The following RBM3 variants were observed in gnomAD, a reference collection of about 807,000 sequenced individuals.
RBM3 encodes the protein RNA binding motif protein 3.
In RBM3, 3 loss-of-function variants were observed where a neutral mutation model predicts 12.0. That is an observed-to-expected ratio of 0.25 (90% CI 0.11 to 0.65). The LOEUF is 0.65. Ranked by LOEUF, RBM3 falls within the 30% of genes least tolerant of loss-of-function variation. RBM3 has a pLI of 0.84. For synonymous variants in RBM3, 58 were observed against 45.7 expected (o/e 1.27, Z -1.08); for missense variants, 108 against 134.5 (o/e 0.80, Z 0.97).
chrX:48,574,517 T>A lies in RBM3; in HGVS notation c.-70T>A, dbSNP rs1556988728. 2 of 332,110 alleles carry A rather than the reference T, an allele frequency of 6.0e-6. No individual in the cohort carries two copies. Among genetic ancestry groups the A allele is most frequent in the East Asian group, 9.3e-5 (1 of 10,720 alleles). The allele number at this position is 332,110 out of a possible 1,213,427, so 27.4% of individuals were successfully genotyped here. A position where few individuals can be genotyped will look rare whatever the true frequency, so the allele number is the denominator to read the frequency against. On this transcript the variant is annotated 5_prime_UTR_variant, in exon 1 of 7. Coordinates refer to ENST00000376759, the MANE Select transcript of RBM3 (RefSeq NM_006743.5). ...TCTTCCGGCGCAGCCCCGTCCCTGT[T>A]TTTTGTGCTCCTCCGAGCTCGCTGT...
chrX:48,576,977 T>C (rs782460210), intron 5 of RBM3, 49 bp from the exon 6 acceptor site: 30 of 1,170,886 alleles, frequency 2.6e-5, no homozygotes, highest in Non-Finnish European at 3.5e-5. Context: ...TACAGTGGTA[T>C]ATATAATGCA....
At position 48,577,917 on chromosome X, in the gene RBM3, C is replaced by CTA. The variant is rs1445564686; in HGVS notation, c.*477_*478dup. The CTA allele has an allele frequency of 8.6e-6, 1 of 115,831 alleles. No homozygotes were observed. Among genetic ancestry groups the CTA allele is most frequent in the African/African-American group, 3.3e-5 (1 of 30,723 alleles). The allele number at this position is 115,831 out of a possible 1,213,427, so 9.5% of individuals were successfully genotyped here. ...CCAACATGGTGAAACCCCATCTGTA[C>CTA]TAAACATAAAAAAATTAGCCTGGCA... On this transcript the variant is annotated 3_prime_UTR_variant, in exon 7 of 7. Coordinates refer to ENST00000376759, the MANE Select transcript of RBM3 (RefSeq NM_006743.5).
intron 2 of RBM3, 21 bp downstream of exon 2, chrX:48,575,304 A>T: frequency 8.6e-7 from 1 of 1,159,116 alleles, no homozygotes; most frequent in Non-Finnish European, 1.2e-6. Flanking sequence ...CCATACTCAC[A>T]ATGGGGGTTG....
rs1375273826 is a variant in RBM3, at chrX:48,581,083, G to A, written c.*3642G>A. 1 of 94,238 alleles carries A rather than the reference G, an allele frequency of 1.1e-5. No homozygotes were observed. Among genetic ancestry groups the A allele is most frequent in the Non-Finnish European group, 2.1e-5 (1 of 47,983 alleles). The allele number at this position is 94,238 out of a possible 1,213,427, so 7.8% of individuals were successfully genotyped here. A position where few individuals can be genotyped will look rare whatever the true frequency, so the allele number is the denominator to read the frequency against. The stretch of plus-strand genomic sequence containing the variant: ...CCTGGATCTGGGGGCGGGGGGGGGC[G>A]GGGGGAATGGGTCTTTTCTAAATTG... On this transcript the variant is annotated 3_prime_UTR_variant, in exon 7 of 7. Transcript: ENST00000376759.
At position 48,575,152 on chromosome X, in the gene RBM3, C is replaced by T. The variant is rs782481480; in HGVS notation, c.-13-16C>T. 8.9e-7 allele frequency: 1 copy of T among 1,117,544 alleles called. No individual in the cohort carries two copies. 92.1% of individuals were successfully genotyped at this position (1,117,544 alleles called of 1,213,427 possible). On this transcript the variant is annotated splice_polypyrimidine_tract_variant and intron_variant, in intron 1 of 6. Transcript: ENST00000376759. ...CTTTCTCCTTCCTGCCACCATTCTT[C>T]ATGTTCTTCCCACAGGACTTGAACT...
At position 48,576,231 on chromosome X, in the gene RBM3, T is replaced by G. The variant is rs782349217; in HGVS notation, c.211-83T>G. ...CCCAGCAGGAATTTTTGGCCTCTTT[T>G]GCCCACTTACCCTTGCCTGCTCTTC... On this transcript the variant is annotated intron_variant, in intron 3 of 6. Transcript: ENST00000376759. The G allele has an allele frequency of 6.9e-6, 8 of 1,167,787 alleles. No homozygotes were observed. In the Admixed American group the frequency reaches 1.8e-4, roughly 26 times the overall value.
At chrX:48,576,268 C>T (rs1340566569) in intron 3 of RBM3, 46 bp from the exon 4 acceptor site, 2 of 1,181,523 alleles carry the variant, frequency 1.7e-6, no homozygotes. Context: ...CTCACCATTG[C>T]CCTGACTGAC....
intron 6 of RBM3, 96 bp from the exon 7 acceptor site, chrX:48,577,369 G>T: frequency 3.5e-6 from 3 of 847,126 alleles, no homozygotes; most frequent in Non-Finnish European, 3.3e-6. Context: ...TGTCCCTGTT[G>T]TCCAACCCTC....
chrX:48,575,124 T>A (rs2062074450), intron 1 of RBM3, 44 bp from the exon 2 acceptor site: 1 of 979,671 alleles, frequency 1.0e-6, no homozygotes. Context: ...ACATCTCCAT[T>A]TTCTTTCTCC....
At chrX:48,574,981 G>T (rs782171055) in intron 1 of RBM3, 187 bp from the exon 2 acceptor site, 4 of 452,291 alleles carry the variant, frequency 8.8e-6, no homozygotes, top group East Asian at 3.8e-5. Flanking sequence ...AATGGTGGCT[G>T]CGCTGAGCCA....
In RBM3 at chrX:48,579,118, A is replaced by G. The variant is rs568452727; in HGVS notation, c.*1677A>G. ...GGTAAAGTGGTAATTTTGTAATTCT[A>G]GCTGGTCTTAGTTCCTCAGTTCTGC... On this transcript the variant is annotated 3_prime_UTR_variant, in exon 7 of 7. Transcript: ENST00000376759. 2.7e-5 allele frequency: 3 copies of G among 111,045 alleles called. No homozygotes were observed. The highest frequency in any genetic ancestry group is 9.8e-5 in the African/African-American group (3 of 30,633). 9.2% of individuals were successfully genotyped at this position (111,045 alleles called of 1,213,427 possible). A position where few individuals can be genotyped will look rare whatever the true frequency, so the allele number is the denominator to read the frequency against.
chrX:48,576,897 T>A, intron 5 of RBM3, 129 bp from the exon 6 acceptor site: 1 of 867,599 alleles, frequency 1.2e-6, no homozygotes. Context: ...ACTCATATGC[T>A]TAACATATCC....
chrX:48,575,791 G>A, intron 3 of RBM3, 124 bp downstream of exon 3: 1 of 681,824 alleles, frequency 1.5e-6, no homozygotes, highest in East Asian at 3.5e-5. Flanking sequence ...CCACTCACAG[G>A]AGCATGACTG....
In RBM3 at chrX:48,575,375, C is replaced by T. The variant is rs186164930; in HGVS notation, c.103+92C>T. On this transcript the variant is annotated intron_variant, in intron 2 of 6. Transcript: ENST00000376759. ...GTATTAACTGAAAAGTTAGGACCCACGCCTCCAAATTCTTTTTCTTCCTAA... is the reference window on the plus strand; with the variant it reads ...GTATTAACTGAAAAGTTAGGACCCATGCCTCCAAATTCTTTTTCTTCCTAA... The T allele has an allele frequency of 6.3e-5, 57 of 905,634 alleles. No homozygotes were observed. In the Admixed American group the frequency reaches 7.9e-4, roughly 13 times the overall value. 74.6% of individuals were successfully genotyped at this position (905,634 alleles called of 1,213,427 possible).
At position 48,580,924 on chromosome X, in the gene RBM3, C is replaced by G. The variant is rs1191415027; in HGVS notation, c.*3483C>G. ...TTATCAAGACAAAACCTGCTCAAGT[C>G]CCTGCCCAGCTGCATTCCAAGTGTT... On this transcript the variant is annotated 3_prime_UTR_variant, in exon 7 of 7. Coordinates refer to ENST00000376759, the MANE Select transcript of RBM3 (RefSeq NM_006743.5). The G allele has an allele frequency of 9.0e-6, 1 of 111,104 alleles. No homozygotes were observed. 9.2% of individuals were successfully genotyped at this position (111,104 alleles called of 1,213,427 possible).
At chrX:48,575,091 G>A (rs2147206857) in intron 1 of RBM3, 77 bp from the exon 2 acceptor site, 2 of 733,297 alleles carry the variant, frequency 2.7e-6, no homozygotes, top group Admixed American at 2.7e-5. Flanking sequence ...CTTTTTCTCT[G>A]CTTTCCGTCT....
intron 6 of RBM3, 48 bp downstream of exon 6, chrX:48,577,157 T>C: frequency 8.3e-7 from 1 of 1,206,311 alleles, no homozygotes; most frequent in Non-Finnish European, 1.1e-6. Flanking sequence ...TCACACTCTG[T>C]CATGACCCTC....
chrX:48,576,455 G>T, intron 4 of RBM3, 36 bp downstream of exon 4: 2 of 1,201,334 alleles, frequency 1.7e-6, no homozygotes, highest in African/African-American at 1.7e-5. Context: ...TGGGGTGAGA[G>T]GGAGAGTTGC....
rs782753124 is a variant in RBM3, at chrX:48,576,473, T to G, written c.317-35T>G. 3 of 1,193,946 alleles carry G rather than the reference T, an allele frequency of 2.5e-6. No individual in the cohort carries two copies. In the South Asian group the frequency reaches 5.5e-5, roughly 22 times the overall value. ...GGTGAGAGGGAGAGTTGCCTATGTGTGGACAACTGCCATTTAAATATTTTT... is the reference window on the plus strand; with the variant it reads ...GGTGAGAGGGAGAGTTGCCTATGTGGGGACAACTGCCATTTAAATATTTTT... On this transcript the variant is annotated intron_variant, in intron 4 of 6. Transcript: ENST00000376759.
Sources: gnomAD v4.1 joint callset for allele counts on GRCh38, gnomAD v4.1.1 for gene constraint, MANE v1.5 for transcripts, NCBI Gene and HGNC (gene_info 2026-07-23, HGNC 2026-07-21) for gene names.